JAKMIP3: variants seen among roughly 807,000 people sequenced by gnomAD.
The protein encoded by JAKMIP3 is janus kinase and microtubule-interacting protein 3.
In JAKMIP3, 58 loss-of-function variants were observed where a neutral mutation model predicts 118.5. That is an observed-to-expected ratio of 0.49 (90% confidence interval 0.40 to 0.61). The LOEUF (loss-of-function observed/expected upper bound fraction) is 0.61, where lower values mean the gene tolerates loss of function less well. Among genes scored for constraint, JAKMIP3 ranks in the 20% least tolerant of loss-of-function variants. JAKMIP3 has a pLI of 0.00. For synonymous variants in JAKMIP3, 486 were observed against 451.2 expected (o/e 1.08, Z -0.98); for missense variants, 950 against 1,109.0 (o/e 0.86, Z 2.04).
At chr10:132,159,464 C>T (rs1406205560) in intron 19 of JAKMIP3, among the ~76,000 whole-genome samples, 3 of 108,774 alleles carry the variant, frequency 2.8e-5, no homozygotes, top group Non-Finnish European at 5.4e-5. Flanking sequence ...GGTGGGGGGG[C>T]TCTCTTCCTG....
intron 1 of JAKMIP3, among the ~76,000 whole-genome samples, chr10:132,048,518 C>G (rs9419168): frequency 6.6e-5 from 10 of 151,856 alleles, no homozygotes; most frequent in South Asian, 2.1e-4. Flanking sequence ...TTAAACAAAT[C>G]ACTCCAGCTT....
rs1485012631 is a variant in JAKMIP3, at chr10:132,180,750, C to CGTGTGTGTGT, written c.*1104-1606_*1104-1605insTGTGTGTGTG. On this transcript the variant is annotated intron_variant, in intron 23 of 23. Coordinates refer to ENST00000684848, the MANE Select transcript of JAKMIP3 (RefSeq NM_001323087.2). ...GTGTGCGTGTGTGCGTGCGTGCGCG[C>CGTGTGTGTGT]GCGTGTGTGCGTGTGTGTGCGTGTG... Among the ~76,000 whole-genome samples the CGTGTGTGTGT allele has an allele frequency of 6.3e-4, 8 of 12,700 alleles. 4 individuals are homozygous for CGTGTGTGTGT. The highest frequency in any genetic ancestry group is 4.9e-3 in the African/African-American group (8 of 1,624). The allele number at this position is 12,700 out of a possible 152,430, so 8.3% of individuals were successfully genotyped here.
intron 1 of JAKMIP3, among the ~76,000 whole-genome samples, chr10:132,042,211 C>CTTCCTTCCTTCT (rs1554909356): frequency 6.6e-6 from 1 of 150,388 alleles, no homozygotes; most frequent in African/African-American, 2.5e-5. Flanking sequence ...TCCTTCCTTC[C>CTTCCTTCCTTCT]TTCCTTCTTT....
rs1413408431 is a variant in JAKMIP3 at position 132,168,173 on chromosome 10, G to A, written c.*243G>A. ...CTGCCGACTTCTCGGGGGCTTCTCC[G>A]GGACGGGCCTGGCCTTGGCTGCTGG... On this transcript the variant is annotated 3_prime_UTR_variant, in exon 23 of 24. Coordinates refer to ENST00000684848, the MANE Select transcript of JAKMIP3 (RefSeq NM_001323087.2). 21 of 1,286,746 alleles carry A rather than the reference G, an allele frequency of 1.6e-5. No homozygotes were observed. The highest frequency in any genetic ancestry group is 1.2e-4 in the African/African-American group (8 of 65,818). 79.7% of individuals were successfully genotyped at this position (1,286,746 alleles called of 1,614,324 possible).
At chr10:132,180,288 AT>A (rs1377903626) in intron 23 of JAKMIP3, among the ~76,000 whole-genome samples, 1 of 151,986 alleles carries the variant, frequency 6.6e-6, no homozygotes, top group African/African-American at 2.4e-5. Context: ...GCTTGGGGGC[AT>A]TGAGGAGCCC....
At position 132,174,435 on chromosome 10, in the gene JAKMIP3, G is replaced by A. The variant is rs374772160; in HGVS notation, c.*1103+5402G>A. Among the ~76,000 whole-genome samples, 21 of 151,928 alleles carry A rather than the reference G, an allele frequency of 1.4e-4. No individual in the cohort carries two copies. In the East Asian group the frequency reaches 2.1e-3, roughly 15 times the overall value. The stretch of plus-strand genomic sequence containing the variant: ...GGCCTCCGTGGGCTCAGTGGGCTCC[G>A]TGGGCTCTGTGGGCTCCGTGGGTTT... On this transcript the variant is annotated intron_variant, in intron 23 of 23. Coordinates refer to ENST00000684848, the MANE Select transcript of JAKMIP3 (RefSeq NM_001323087.2).
intron 3 of JAKMIP3, among the ~76,000 whole-genome samples, chr10:132,131,769 C>T (rs573389679): frequency 2.0e-5 from 3 of 152,124 alleles, no homozygotes; most frequent in South Asian, 4.2e-4. Flanking sequence ...CCTCTCAGTC[C>T]GGAACCCGCT....
chr10:132,148,937 C>T (rs774734682), intron 14 of JAKMIP3, among the ~76,000 whole-genome samples: 3 of 152,214 alleles, frequency 2.0e-5, no homozygotes, highest in South Asian at 2.1e-4. Context: ...CGTCCACTGC[C>T]GGAGGACAGG....
At chr10:132,063,947 T>G (rs1040480128), upstream of JAKMIP3, among the ~76,000 whole-genome samples, 1 of 152,214 alleles carries the variant, frequency 6.6e-6, no homozygotes, top group African/African-American at 2.4e-5. Context: ...AAACAAATAA[T>G]GTGATCATAC....
At chr10:132,146,732 G>A (rs762865792) in intron 13 of JAKMIP3, among the ~76,000 whole-genome samples, 8 of 152,312 alleles carry the variant, frequency 5.3e-5, no homozygotes, top group East Asian at 3.9e-4. Context: ...AGGGCTGGTC[G>A]TGCCCTCTGG....
rs1252865542 is a variant in JAKMIP3, at chr10:132,184,115, A to G, written c.*2862A>G. 6.6e-6 allele frequency: 1 copy of G among 152,258 alleles called. No homozygotes were observed. The highest frequency in any genetic ancestry group is 2.4e-5 in the African/African-American group (1 of 41,468). 9.4% of individuals were successfully genotyped at this position (152,258 alleles called of 1,614,324 possible). On this transcript the variant is annotated 3_prime_UTR_variant, in exon 24 of 24. Transcript: ENST00000684848. ...TCACACTCTGTGTTCAACACACAGAACAACATAGATACTTTAGTTTGTCTA... is the reference window on the plus strand; with the variant it reads ...TCACACTCTGTGTTCAACACACAGAGCAACATAGATACTTTAGTTTGTCTA...
chr10:132,162,062 C>T (rs1386646952), intron 19 of JAKMIP3, among the ~76,000 whole-genome samples: 4 of 125,702 alleles, frequency 3.2e-5, no homozygotes, highest in Admixed American at 7.7e-5. Flanking sequence ...CTCGGTCGCT[C>T]GGGTGCCCTC....
In JAKMIP3 at chr10:132,163,425, C is replaced by T. The variant is rs367982728; in HGVS notation, c.2424+13C>T. The T allele has an allele frequency of 1.8e-5, 28 of 1,585,776 alleles. No individual in the cohort carries two copies. Among genetic ancestry groups the T allele is most frequent in the Non-Finnish European group, 2.0e-5 (24 of 1,173,350 alleles). On this transcript the variant is annotated intron_variant, in intron 20 of 23. Coordinates refer to ENST00000684848, the MANE Select transcript of JAKMIP3 (RefSeq NM_001323087.2). Reference sequence around the variant, plus strand: ...GCTGGCTCAGCAGGTGTGTGGCAGGCGGGGGCAGGGCTGGCGTGAAGACCT... The same window carrying T: ...GCTGGCTCAGCAGGTGTGTGGCAGGTGGGGGCAGGGCTGGCGTGAAGACCT...
chr10:132,173,390 CTG>C (rs2059818300), intron 23 of JAKMIP3, among the ~76,000 whole-genome samples: 1 of 151,240 alleles, frequency 6.6e-6, no homozygotes, highest in African/African-American at 2.4e-5. Context: ...ACCTGCTCAT[CTG>C]TGCGGCCCTG....
At position 132,133,316 on chromosome 10, in the gene JAKMIP3, A is replaced by G; in HGVS notation, c.638A>G (p.Glu213Gly). 1 of 1,582,192 alleles carries G rather than the reference A, an allele frequency of 6.3e-7. No individual in the cohort carries two copies. The highest frequency in any genetic ancestry group is 1.2e-5 in the South Asian group (1 of 86,328). The change falls in exon 4 of 24, where the codon GAG (glutamate) becomes GGG (glycine). Residue 213 changes from glutamate to glycine, a missense_variant. Transcript: ENST00000684848. ...ECEREIRRLM[E>G]EIKFKDRAVF... is the part of the protein sequence containing the mutation. The stretch of plus-strand genomic sequence containing the variant: ...TGTGTTCTGTTCTCCTTGTAGATGG[A>G]GGAGATAAAATTTAAAGACAGAGCA...
chr10:132,112,215 G>A lies in JAKMIP3; in HGVS notation c.136-4862G>A, dbSNP rs1257274637. 6.6e-6 allele frequency among the ~76,000 whole-genome samples: 1 copy of A among 152,136 alleles called. No individual in the cohort carries two copies. The highest frequency in any genetic ancestry group is 1.9e-4 in the East Asian group (1 of 5,186). ...GGAGCCTCACACCAACATCCAGGCG[G>A]GGGCTGACATTTGGGTGGTGAGCAC... On this transcript the variant is annotated intron_variant, in intron 2 of 23. Coordinates refer to ENST00000684848, the MANE Select transcript of JAKMIP3 (RefSeq NM_001323087.2). This position sits in a 1 kb window ranked among gnomAD's most constrained non-coding sequence, Gnocchi z 4.3.
chr10:132,047,546 T>C (rs533494557), intron 1 of JAKMIP3, among the ~76,000 whole-genome samples: 1 of 152,318 alleles, frequency 6.6e-6, no homozygotes, highest in East Asian at 1.9e-4. Context: ...GACACTAACA[T>C]TGGTACAACA....
At chr10:132,153,493 G>A (rs2056592050) in intron 17 of JAKMIP3, among the ~76,000 whole-genome samples, 1 of 152,150 alleles carries the variant, frequency 6.6e-6, no homozygotes, top group Admixed American at 6.5e-5. Flanking sequence ...CTCTGCAGAT[G>A]TGTCTCTCCT....
chr10:132,073,375 C>T (rs1260378752), intron 1 of JAKMIP3, among the ~76,000 whole-genome samples: 4 of 152,134 alleles, frequency 2.6e-5, no homozygotes, highest in Non-Finnish European at 4.4e-5. Flanking sequence ...TCAGTAGAGA[C>T]GGGGTTTCAC....
Sources: gnomAD v4.1 joint callset for allele counts (sites outside exome capture counted in the v4.1 genomes callset) on GRCh38, gnomAD v4.1.1 for gene constraint, Gnocchi (gnomAD v3.1) non-coding constraint, MANE v1.5 for transcripts, NCBI Gene and HGNC (gene_info 2026-07-23, HGNC 2026-07-21) for gene names.